Variants in ASTN2 observed in about 807,000 individuals in gnomAD.
ASTN2 encodes the protein astrotactin-2.
ASTN2 carries 54 observed loss-of-function variants against 139.8 expected under a neutral mutation model. That is an observed-to-expected ratio of 0.39 (90% CI 0.31 to 0.48). The LOEUF (loss-of-function observed/expected upper bound fraction) is 0.48. Among genes scored for constraint, ASTN2 ranks in the 20% least tolerant of loss-of-function variants. ASTN2 has a pLI of 0.95. For missense variants in ASTN2, 1,565 were observed against 1,725.1 expected, an observed-to-expected ratio of 0.91 and a Z score of 1.64; for synonymous variants, 756 against 719.5, an observed-to-expected ratio of 1.05 and a Z score of -0.81.
chr9:116,511,624 G>A (rs567788293), intron 19 of ASTN2, among the ~76,000 whole-genome samples: 45 of 152,222 alleles, frequency 3.0e-4, no homozygotes, highest in African/African-American at 7.5e-4. Flanking sequence ...CTGTGAATCC[G>A]TCAGGTACTG....
At position 117,408,423 on chromosome 9, in the gene ASTN2, C is replaced by T. The variant is rs540715136; in HGVS notation, c.442+6074G>A. Among the ~76,000 whole-genome samples, 6 of 152,234 alleles carry T rather than the reference C, an allele frequency of 3.9e-5. No individual in the cohort carries two copies. In the East Asian group the frequency reaches 9.7e-4, roughly 25 times the overall value. The stretch of plus-strand genomic sequence containing the variant: ...GATGCTGGGAGCCCATCAAAGTCGA[C>T]GGTTGTGGTGACAGTTTTCCAGACT... On this transcript the variant is annotated intron_variant, in intron 1 of 22. Coordinates refer to ENST00000313400, the MANE Select transcript of ASTN2 (RefSeq NM_001365068.1).
chr9:117,240,530 C>A (rs1420043017), intron 2 of ASTN2, among the ~76,000 whole-genome samples: 2 of 152,148 alleles, frequency 1.3e-5, no homozygotes, highest in Non-Finnish European at 2.9e-5. Flanking sequence ...AGGAGAAAGA[C>A]ATAAGATTAG....
At chr9:117,404,813 T>G (rs1184594795) in intron 1 of ASTN2, among the ~76,000 whole-genome samples, 1 of 150,216 alleles carries the variant, frequency 6.7e-6, no homozygotes, top group Non-Finnish European at 1.5e-5. Flanking sequence ...GAGCATGAGG[T>G]GACAACTCTC....
intron 10 of ASTN2, among the ~76,000 whole-genome samples, chr9:116,972,298 C>T (rs2132520678): frequency 6.6e-6 from 1 of 152,166 alleles, no homozygotes; most frequent in East Asian, 1.9e-4. Flanking sequence ...ATCCAAGGTG[C>T]TATGTATGGT....
At chr9:116,444,326 T>G (rs1458323133) in intron 20 of ASTN2, among the ~76,000 whole-genome samples, 5 of 152,230 alleles carry the variant, frequency 3.3e-5, no homozygotes, top group Admixed American at 2.6e-4. Flanking sequence ...GTTGAAGCAG[T>G]GCCATCTCAT....
intron 17 of ASTN2, among the ~76,000 whole-genome samples, chr9:116,641,097 T>G (rs1392181884): frequency 1.3e-5 from 2 of 152,178 alleles, no homozygotes. Flanking sequence ...TACAGTGGTC[T>G]GCAAGGGTTA....
chr9:117,165,540 G>A lies in ASTN2; in HGVS notation c.1016-24062C>T, dbSNP rs543036765. On this transcript the variant is annotated intron_variant, in intron 3 of 22. Coordinates refer to ENST00000313400, the MANE Select transcript of ASTN2 (RefSeq NM_001365068.1). ...CTGTCTTCATGGAATGCAGAACTGCGCAGCACGGAAGTCCAACAGTTAACT... is the reference window on the plus strand; with the variant it reads ...CTGTCTTCATGGAATGCAGAACTGCACAGCACGGAAGTCCAACAGTTAACT... 5.3e-5 allele frequency among the ~76,000 whole-genome samples: 8 copies of A among 152,172 alleles called. No homozygotes were observed. The East Asian group carries it at 5.8e-4, about 11-fold the overall frequency.
chr9:116,948,580 T>C (rs1835462489), intron 10 of ASTN2, among the ~76,000 whole-genome samples: 1 of 151,916 alleles, frequency 6.6e-6, no homozygotes, highest in African/African-American at 2.4e-5. Context: ...AAGTGGTACT[T>C]AGAGGCCAAG....
chr9:116,482,943 C>G (rs1343049627), intron 20 of ASTN2, among the ~76,000 whole-genome samples: 1 of 152,214 alleles, frequency 6.6e-6, no homozygotes, highest in African/African-American at 2.4e-5. Context: ...TGCTGAGGAC[C>G]CTTTGGCAGC....
intron 19 of ASTN2, among the ~76,000 whole-genome samples, chr9:116,529,197 C>A (rs1455450586): frequency 2.0e-5 from 3 of 152,148 alleles, no homozygotes; most frequent in African/African-American, 7.2e-5. Context: ...GCTTACCCTG[C>A]AGAGCCACAG....
chr9:117,229,956 G>A (rs1832836563), intron 2 of ASTN2, among the ~76,000 whole-genome samples: 1 of 152,040 alleles, frequency 6.6e-6, no homozygotes, highest in Non-Finnish European at 1.5e-5. Flanking sequence ...TGCAATTCAT[G>A]AGAATTTCAC....
chr9:116,802,481 T>G (rs1031784786), intron 13 of ASTN2, among the ~76,000 whole-genome samples: 1 of 152,204 alleles, frequency 6.6e-6, no homozygotes, highest in Admixed American at 6.5e-5. Flanking sequence ...GGTCCCACAA[T>G]GACTTGCTTT....
intron 13 of ASTN2, among the ~76,000 whole-genome samples, chr9:116,772,247 G>A (rs1829971378): frequency 3.9e-5 from 6 of 152,112 alleles, no homozygotes; most frequent in Admixed American, 3.9e-4. Flanking sequence ...GGGACGTGGT[G>A]GGAGGTAATT....
At chr9:117,139,197 C>T (rs1324365691) in intron 4 of ASTN2, among the ~76,000 whole-genome samples, 1 of 152,182 alleles carries the variant, frequency 6.6e-6, no homozygotes, top group Non-Finnish European at 1.5e-5. Context: ...CCCTAAATGC[C>T]TTACCCAGAA....
chr9:116,773,833 C>G (rs1830013685), intron 13 of ASTN2, among the ~76,000 whole-genome samples: 1 of 151,968 alleles, frequency 6.6e-6, no homozygotes, highest in Admixed American at 6.6e-5. Flanking sequence ...TTTTTTCCCT[C>G]CTACAGATAC....
chr9:117,140,591 A>G (rs1258960172), intron 4 of ASTN2, among the ~76,000 whole-genome samples: 1 of 150,890 alleles, frequency 6.6e-6, no homozygotes, highest in East Asian at 2.0e-4. Context: ...ATGAAGATGA[A>G]GGAGGAAGAG....
At chr9:116,426,195 C>T in intron 22 of ASTN2, 107 bp from the exon 23 acceptor site, 2 of 1,374,676 alleles carry the variant, frequency 1.5e-6, no homozygotes, top group East Asian at 4.7e-5. Context: ...CCAACCATTT[C>T]CTATCTACTC....
chr9:117,301,152 C>CTCTCT (rs775102552), intron 1 of ASTN2, among the ~76,000 whole-genome samples: 25 of 152,252 alleles, frequency 1.6e-4, no homozygotes, highest in Middle Eastern at 3.4e-3. Flanking sequence ...GTTATTCTCT[C>CTCTCT]CCGTACCATT....
chr9:116,599,342 T>A (rs1283353137), intron 19 of ASTN2, among the ~76,000 whole-genome samples: 1 of 152,236 alleles, frequency 6.6e-6, no homozygotes, highest in Non-Finnish European at 1.5e-5. Context: ...GTTTGCTATC[T>A]CTAAGTTAAA....
Sources: allele counts gnomAD v4.1 joint callset (sites outside exome capture counted in the v4.1 genomes callset), GRCh38; gene constraint gnomAD v4.1.1; transcripts MANE v1.5; gene names NCBI Gene and HGNC (gene_info 2026-07-23, HGNC 2026-07-21).